Variants in KANK2 observed in about 807,000 individuals in gnomAD.
The protein encoded by KANK2 is KN motif and ankyrin repeat domains 2, also known as KN motif and ankyrin repeat domain-containing protein 2.
A neutral mutation model predicts 74.6 loss-of-function variants in KANK2; 41 were observed. The observed-to-expected ratio is 0.55, with a 90% CI of 0.43 to 0.71. The LOEUF (loss-of-function observed/expected upper bound fraction) is 0.71, where lower values mean the gene tolerates loss of function less well. KANK2 is among the 30% of genes least tolerant of loss of function. The probability of loss-of-function intolerance (pLI) is 0.00; values close to 1 mark genes in which losing one functional copy is unlikely to be tolerated. For synonymous variants in KANK2, 537 were observed against 519.0 expected, an observed-to-expected ratio of 1.03 and a Z score of -0.47; for missense variants, 1,148 against 1,196.4, an observed-to-expected ratio of 0.96 and a Z score of 0.60.
chr19:11,171,135 G>A lies in KANK2; in HGVS notation c.2212-887C>T, dbSNP rs193050210. Among the ~76,000 whole-genome samples the A allele has an allele frequency of 3.0e-3, 453 of 152,284 alleles. 10 individuals carry two copies. Among genetic ancestry groups the A allele is most frequent in the Admixed American group, 0.028 (421 of 15,288 alleles). On this transcript the variant is annotated intron_variant, in intron 10 of 12. Transcript: ENST00000586659. ...GTTAATTCTGGGCACTGTGGCTTAC[G>A]CCTGTAATCCTGGCACTTTGGGAGG...
Position 11,170,408 on chromosome 19 carries a change from G to T in KANK2, c.2212-160C>A. The T allele has an allele frequency of 1.6e-6, 1 of 615,500 alleles. No individual in the cohort carries two copies. Among genetic ancestry groups the T allele is most frequent in the Non-Finnish European group, 2.9e-6 (1 of 349,732 alleles). The allele number at this position is 615,500 out of a possible 1,614,324, so 38.1% of individuals were successfully genotyped here. A position where few individuals can be genotyped will look rare whatever the true frequency, so the allele number is the denominator to read the frequency against. ...CTCAAACAACCCTCCCGTCACCAGG[G>T]GAGTAATAAATCCACAGAGACAGAA... On this transcript the variant is annotated intron_variant, in intron 10 of 12. Transcript: ENST00000586659. The surrounding 1 kb of genome is among the most constrained non-coding windows in gnomAD (Gnocchi z 5.2).
At chr19:11,186,924 C>G (rs970020108) in intron 4 of KANK2, among the ~76,000 whole-genome samples, 1 of 151,844 alleles carries the variant, frequency 6.6e-6, no homozygotes, top group East Asian at 1.9e-4. Context: ...TCGTGGTGGC[C>G]GGAAATTAGA....
chr19:11,192,986 C>G lies in KANK2; in HGVS notation c.1094G>C (p.Arg365Thr). ...AGGCCTACCAGGCATTGCCAGGGCC[C>G]TCAGCCCTGTGCCGTAAGGCTCCAG... The part of the protein sequence containing the change: ...QSLEPYGTGL[R>T]ALAMPGRPES... Residue 365 changes from arginine (R) to threonine (T), a missense_variant, in exon 4 of 13, where the codon AGG (arginine) becomes ACG (threonine). Physicochemically the swap from Arg to Thr is moderately conservative, Grantham distance 71. Transcript: ENST00000586659. 6.2e-7 allele frequency: 1 copy of G among 1,614,052 alleles called. No individual in the cohort carries two copies. The highest frequency in any genetic ancestry group is 1.1e-5 in the South Asian group (1 of 91,086).
Position 11,173,005 on chromosome 19 carries a change from G to C in KANK2, c.2187C>G (p.Gly729=), listed in dbSNP as rs775823105. ...CCTGGCTGGCTTTGGCATTGATGTT[G>C]CCAAGCCGGAAGAGCTGAAGGACAG... ...IETVLQLFRL[G]NINAKASQAG... Residue 729 remains glycine, a synonymous_variant, in exon 10 of 13, where the codon GGC becomes GGG. Coordinates refer to ENST00000586659, the MANE Select transcript of KANK2 (RefSeq NM_001136191.3). 1 of 1,613,874 alleles carries C rather than the reference G, an allele frequency of 6.2e-7. No individual in the cohort carries two copies. Among genetic ancestry groups the C allele is most frequent in the Non-Finnish European group, 8.5e-7 (1 of 1,179,904 alleles).
At chr19:11,167,037 C>T (rs1013287636) in intron 12 of KANK2, among the ~76,000 whole-genome samples, 1 of 152,070 alleles carries the variant, frequency 6.6e-6, no homozygotes, top group Non-Finnish European at 1.5e-5. Flanking sequence ...TGTGCAGGGC[C>T]TGGTGGGCTT....
At chr19:11,167,368 A>ATT (rs376142819) in intron 12 of KANK2, among the ~76,000 whole-genome samples, 1 of 149,890 alleles carries the variant, frequency 6.7e-6, no homozygotes, top group African/African-American at 2.5e-5. Context: ...CCCGGCCTAG[A>ATT]TTTTTTTTTG....
chr19:11,179,905 A>C (rs1307372892), intron 4 of KANK2, among the ~76,000 whole-genome samples: 1 of 152,108 alleles, frequency 6.6e-6, no homozygotes, highest in Non-Finnish European at 1.5e-5. Flanking sequence ...CCTTCACTGA[A>C]GCTTGAGTGC....
chr19:11,189,503 C>T (rs1238657485), intron 4 of KANK2, among the ~76,000 whole-genome samples: 1 of 138,974 alleles, frequency 7.2e-6, no homozygotes, highest in Admixed American at 7.8e-5. Context: ...ACTCGGGAGG[C>T]GGAGGCAGAA....
chr19:11,189,039 G>C (rs189128510), intron 4 of KANK2, among the ~76,000 whole-genome samples: 5 of 151,286 alleles, frequency 3.3e-5, no homozygotes, highest in Non-Finnish European at 5.9e-5. Flanking sequence ...GCTGACCTTG[G>C]GCACCAAGTA....
intron 4 of KANK2, chr19:11,192,583 A>G (rs575691685): frequency 4.6e-6 from 2 of 435,750 alleles, no homozygotes; most frequent in East Asian, 5.3e-5. Flanking sequence ...TTACAGGCGC[A>G]CGCCACCACA....
At chr19:11,169,589 T>C (rs1244990057) in intron 12 of KANK2, 1 of 540,306 alleles carries the variant, frequency 1.9e-6, no homozygotes, top group Non-Finnish European at 3.3e-6. Context: ...GATCACGAGG[T>C]CAGGAGTTTG....
At chr19:11,171,280 C>A (rs2078165427) in intron 10 of KANK2, among the ~76,000 whole-genome samples, 1 of 151,650 alleles carries the variant, frequency 6.6e-6, no homozygotes, top group Non-Finnish European at 1.5e-5. Flanking sequence ...TTGGCAAAAC[C>A]CCAACTCTAA....
At chr19:11,174,266 A>G (rs1568643603) in intron 9 of KANK2, among the ~76,000 whole-genome samples, 1 of 152,006 alleles carries the variant, frequency 6.6e-6, no homozygotes, top group Non-Finnish European at 1.5e-5. Context: ...ATCAAACTGG[A>G]AGGCTGGTGT....
chr19:11,190,763 C>T (rs1309592359), intron 4 of KANK2, among the ~76,000 whole-genome samples: 1 of 150,536 alleles, frequency 6.6e-6, no homozygotes, highest in Admixed American at 6.7e-5. Context: ...CACAGTTTCA[C>T]TCTGTTGCCC....
chr19:11,193,933 G>C lies in KANK2; in HGVS notation c.147C>G (p.Tyr49Ter). The C allele has an allele frequency of 1.2e-6, 2 of 1,614,010 alleles. No individual in the cohort carries two copies. The highest frequency in any genetic ancestry group is 1.7e-6 in the Non-Finnish European group (2 of 1,180,002). ...TGTGGCCCTTCTCGATGTCATCCAC[G>C]TACTTGAGGAAGTCCAGGTCCAGGC... Reference protein sequence around the residue: ...GYRLDLDFLKYVDDIEKGHTL... With the variant: ...GYRLDLDFLK Residue 49 changes from tyrosine (Y) to a stop codon, truncating the protein, a stop_gained, in exon 4 of 13, where the codon TAC becomes TAG. Transcript: ENST00000586659. LOFTEE classifies it high-confidence loss of function. This position sits in a 1 kb window ranked among gnomAD's most constrained non-coding sequence, Gnocchi z 9.6.
intron 4 of KANK2, among the ~76,000 whole-genome samples, chr19:11,190,285 G>A (rs927829105): frequency 1.3e-5 from 2 of 152,002 alleles, no homozygotes; most frequent in Admixed American, 6.6e-5. Flanking sequence ...GTGCCAACAC[G>A]CCCAGCTAAT....
rs532968907 is a variant in KANK2, at chr19:11,170,435, G to A, written c.2212-187C>T. 1.0e-4 allele frequency: 62 copies of A among 597,928 alleles called. No individual in the cohort carries two copies. In the South Asian group the frequency reaches 1.2e-3, roughly 11 times the overall value. 37.0% of individuals were successfully genotyped at this position (597,928 alleles called of 1,614,324 possible). A position where few individuals can be genotyped will look rare whatever the true frequency, so the allele number is the denominator to read the frequency against. ...AGTAATAAATCCACAGAGACAGAAA[G>A]CGGATGAGTGGTTGCCAGAGGCTGG... On this transcript the variant is annotated intron_variant, in intron 10 of 12. Transcript: ENST00000586659. This position sits in a 1 kb window ranked among gnomAD's most constrained non-coding sequence, Gnocchi z 5.2.
chr19:11,191,201 C>T (rs975403481), intron 4 of KANK2, among the ~76,000 whole-genome samples: 4 of 151,600 alleles, frequency 2.6e-5, no homozygotes, highest in South Asian at 2.1e-4. Flanking sequence ...CCACCACGCC[C>T]GGCTAATTTT....
At chr19:11,181,646 T>C (rs2078522241) in intron 4 of KANK2, among the ~76,000 whole-genome samples, 1 of 151,842 alleles carries the variant, frequency 6.6e-6, no homozygotes, top group East Asian at 1.9e-4. Context: ...CAGTTTCAGT[T>C]TGGAAAGATG....
Sources: allele counts gnomAD v4.1 joint callset (sites outside exome capture counted in the v4.1 genomes callset), GRCh38; gene constraint gnomAD v4.1.1; non-coding constraint Gnocchi (gnomAD v3.1); transcripts MANE v1.5; gene names NCBI Gene and HGNC (gene_info 2026-07-23, HGNC 2026-07-21).